The following TMEM87A variants were observed in gnomAD, a reference collection of about 807,000 sequenced individuals.
The protein encoded by TMEM87A is Golgi-pH regulating cation channel.
TMEM87A carries 50 observed loss-of-function variants against 90.0 expected under a neutral mutation model. The observed-to-expected ratio is 0.56, with a 90% CI of 0.44 to 0.70. The LOEUF is 0.70. Ranked by LOEUF, TMEM87A falls within the 30% of genes least tolerant of loss-of-function variation. The probability of loss-of-function intolerance (pLI) is 0.00; values close to 1 mark genes in which losing one functional copy is unlikely to be tolerated. For synonymous variants in TMEM87A, 226 were observed against 226.7 expected, an observed-to-expected ratio of 1.00 and a Z score of 0.03; for missense variants, 577 against 660.5, an observed-to-expected ratio of 0.87 and a Z score of 1.39.
intron 4 of TMEM87A, among the ~76,000 whole-genome samples, chr15:42,261,734 T>C (rs912997410): frequency 6.6e-6 from 1 of 151,570 alleles, no homozygotes; most frequent in African/African-American, 2.4e-5. Flanking sequence ...CCCAGGTTCA[T>C]GCCATTCTCC....
At chr15:42,254,363 C>T (rs545077717) in intron 6 of TMEM87A, among the ~76,000 whole-genome samples, 16 of 152,148 alleles carry the variant, frequency 1.1e-4, no homozygotes, top group Non-Finnish European at 1.6e-4. Flanking sequence ...TGATAATTAC[C>T]CAAATGAGTT....
chr15:42,241,462 T>A (rs998404772), intron 7 of TMEM87A, among the ~76,000 whole-genome samples: 4 of 152,174 alleles, frequency 2.6e-5, no homozygotes, highest in Admixed American at 2.0e-4. Flanking sequence ...AGAACAAATA[T>A]AGTCTGAGAC....
chr15:42,219,650 AG>A lies in TMEM87A; in HGVS notation c.1478-9del. 1 of 1,581,576 alleles carries A rather than the reference AG, an allele frequency of 6.3e-7. No homozygotes were observed. The highest frequency in any genetic ancestry group is 8.6e-7 in the Non-Finnish European group (1 of 1,156,196). ...TTCTCATTTTCATTCCTTCTGTAGA[AG>A]AAAATAAATATACACTGTTTAACTT... On this transcript the variant is annotated splice_polypyrimidine_tract_variant and intron_variant, in intron 16 of 19. Coordinates refer to ENST00000389834, the MANE Select transcript of TMEM87A (RefSeq NM_015497.5).
intron 15 of TMEM87A, among the ~76,000 whole-genome samples, chr15:42,222,912 T>C (rs2140921352): frequency 6.6e-6 from 1 of 152,312 alleles, no homozygotes; most frequent in African/African-American, 2.4e-5. Flanking sequence ...GAAATCACCT[T>C]AGGCTAGATA....
intron 9 of TMEM87A, 66 bp downstream of exon 9, chr15:42,237,366 T>C (rs940024910): frequency 5.9e-6 from 9 of 1,528,758 alleles, no homozygotes; most frequent in Non-Finnish European, 8.0e-6. Context: ...CTGCTGACCT[T>C]AGGAATATTT....
chr15:42,264,835 T>C (rs2051370636), intron 3 of TMEM87A, among the ~76,000 whole-genome samples: 1 of 152,014 alleles, frequency 6.6e-6, no homozygotes, highest in African/African-American at 2.4e-5. Context: ...AGTTATTTTT[T>C]CTGATCCTCT....
chr15:42,264,011 CG>C (rs2051347938), intron 4 of TMEM87A, 78 bp downstream of exon 4: 1 of 1,051,288 alleles, frequency 9.5e-7, no homozygotes, highest in Non-Finnish European at 1.4e-6. Context: ...CTTGAGAAGT[CG>C]GAAGTGGATA....
rs370514614 is a variant in TMEM87A, at chr15:42,229,913, C to T, written c.1132-1093G>A. ...CGATCTCGGCTCACTGCAACCTCCG[C>T]TTCCAGGGCTCAAGCAATTCTCCTG... is the stretch of plus-strand genomic sequence containing the variant. On this transcript the variant is annotated intron_variant, in intron 12 of 19. Coordinates refer to ENST00000389834, the MANE Select transcript of TMEM87A (RefSeq NM_015497.5). Among the ~76,000 whole-genome samples, 13 of 152,324 alleles carry T rather than the reference C, an allele frequency of 8.5e-5. No individual in the cohort carries two copies. The East Asian group carries it at 1.7e-3, about 20-fold the overall frequency.
At chr15:42,255,846 T>A (rs57976413) in intron 6 of TMEM87A, among the ~76,000 whole-genome samples, 9,975 of 151,460 alleles carry the variant, frequency 0.066, 722 homozygotes, top group Admixed American at 0.16. Context: ...CTTGGCTCAA[T>A]GTAATCTCCA....
Position 42,246,451 on chromosome 15 carries a change from C to T in TMEM87A, c.505-2284G>A, listed in dbSNP as rs151272790. Among the ~76,000 whole-genome samples the T allele has an allele frequency of 2.2e-4, 34 of 152,232 alleles. No individual in the cohort carries two copies. The East Asian group carries it at 6.0e-3, about 27-fold the overall frequency. On this transcript the variant is annotated intron_variant, in intron 6 of 19. Coordinates refer to ENST00000389834, the MANE Select transcript of TMEM87A (RefSeq NM_015497.5). ...CTAATGCTATCCCTCACCCAGCCCC[C>T]GACCCGACGACAGGCCCCACTGTGT...
At chr15:42,238,721 T>G (rs989005211) in intron 8 of TMEM87A, among the ~76,000 whole-genome samples, 2 of 147,566 alleles carry the variant, frequency 1.4e-5, no homozygotes, top group Admixed American at 6.7e-5. Context: ...GCCACTGCAC[T>G]CCAGCCTGGG....
intron 19 of TMEM87A, among the ~76,000 whole-genome samples, chr15:42,216,922 C>T (rs2050392686): frequency 6.6e-6 from 1 of 151,368 alleles, no homozygotes; most frequent in Non-Finnish European, 1.5e-5. Flanking sequence ...ATATCCAGAA[C>T]TAGTTTCCAT....
At chr15:42,230,804 T>C (rs2050673620) in intron 12 of TMEM87A, among the ~76,000 whole-genome samples, 1 of 152,168 alleles carries the variant, frequency 6.6e-6, no homozygotes, top group Admixed American at 6.5e-5. Flanking sequence ...AATCTTTTCA[T>C]AAGTTTCAAA....
At chr15:42,216,947 A>G (rs188129392) in intron 19 of TMEM87A, among the ~76,000 whole-genome samples, 4 of 150,900 alleles carry the variant, frequency 2.7e-5, no homozygotes, top group East Asian at 1.9e-4. Context: ...TCAGGCCACA[A>G]TTCTTTTTCT....
At position 42,211,512 on chromosome 15, in the gene TMEM87A, C is replaced by T. The variant is rs2050286199; in HGVS notation, c.*196G>A. 2 of 534,366 alleles carry T rather than the reference C, an allele frequency of 3.7e-6. No homozygotes were observed. The highest frequency in any genetic ancestry group is 6.6e-6 in the Non-Finnish European group (2 of 301,292). The allele number at this position is 534,366 out of a possible 1,614,324, so 33.1% of individuals were successfully genotyped here. A position where few individuals can be genotyped will look rare whatever the true frequency, so the allele number is the denominator to read the frequency against. ...GTAAATAAGAAGCTCGTAGATTTTT[C>T]TCATCTTATGAACTTGTTTTCAGTA... On this transcript the variant is annotated 3_prime_UTR_variant, in exon 20 of 20. Transcript: ENST00000389834.
intron 10 of TMEM87A, among the ~76,000 whole-genome samples, chr15:42,234,309 A>C (rs2050737175): frequency 6.6e-6 from 1 of 152,218 alleles, no homozygotes; most frequent in African/African-American, 2.4e-5. Flanking sequence ...ACATGTTAAC[A>C]AAATCCTTAG....
At chr15:42,231,408 A>G (rs2050684765) in intron 11 of TMEM87A, 148 bp from the exon 12 acceptor site, 2 of 555,588 alleles carry the variant, frequency 3.6e-6, no homozygotes, top group African/African-American at 4.0e-5. Context: ...ACACCTAATC[A>G]TTCTTCCCTT....
intron 3 of TMEM87A, among the ~76,000 whole-genome samples, chr15:42,264,709 T>A (rs1038516056): frequency 8.0e-6 from 1 of 124,950 alleles, no homozygotes; most frequent in African/African-American, 3.7e-5. Context: ...ATTTTTTTTT[T>A]AACTTTTATT....
At position 42,256,109 on chromosome 15, in the gene TMEM87A, A is replaced by G. The variant is rs560107015; in HGVS notation, c.504+4849T>C. ...AACATATATGTTTAATCAGAGCTTTAATGAAATAGGATGGAGGTACTGAAT... is the reference window on the plus strand; with the variant it reads ...AACATATATGTTTAATCAGAGCTTTGATGAAATAGGATGGAGGTACTGAAT... On this transcript the variant is annotated intron_variant, in intron 6 of 19. Transcript: ENST00000389834. Among the ~76,000 whole-genome samples, 7 of 152,104 alleles carry G rather than the reference A, an allele frequency of 4.6e-5. No individual in the cohort carries two copies. In the South Asian group the frequency reaches 1.2e-3, roughly 27 times the overall value.
Sources: gnomAD v4.1 joint callset for allele counts (sites outside exome capture counted in the v4.1 genomes callset) on GRCh38, gnomAD v4.1.1 for gene constraint, MANE v1.5 for transcripts, NCBI Gene and HGNC (gene_info 2026-07-23, HGNC 2026-07-21) for gene names.